RFC3: variants seen among roughly 807,000 people sequenced by gnomAD.
RFC3 encodes the protein A1 38 kDa subunit.
Under a neutral mutation model 45.1 loss-of-function variants are expected in RFC3, and 41 were observed. The observed-to-expected ratio is 0.91, with a 90% CI of 0.71 to 1.18. The LOEUF (loss-of-function observed/expected upper bound fraction) is 1.18, where lower values mean the gene tolerates loss of function less well. Among genes scored for constraint, RFC3 ranks in the 50% most tolerant of loss-of-function variants. The pLI, the probability that RFC3 is intolerant of heterozygous loss-of-function variation, is 0.00. For synonymous variants in RFC3, 149 were observed against 144.0 expected (o/e 1.03, Z -0.25); for missense variants, 423 against 428.1 (o/e 0.99, Z 0.10).
intron 8 of RFC3, among the ~76,000 whole-genome samples, chr13:33,945,442 G>T (rs970921199): frequency 1.3e-5 from 2 of 152,174 alleles, no homozygotes; most frequent in Non-Finnish European, 2.9e-5. Flanking sequence ...CTTGACAGGA[G>T]AGGATTAACT....
intron 8 of RFC3, among the ~76,000 whole-genome samples, chr13:33,946,344 C>T (rs1222156895): frequency 6.6e-6 from 1 of 152,168 alleles, no homozygotes; most frequent in Non-Finnish European, 1.5e-5. Context: ...ACTGGGATTG[C>T]TGTATACATT....
intron 8 of RFC3, among the ~76,000 whole-genome samples, chr13:33,858,770 A>G (rs1029628429): frequency 9.9e-5 from 15 of 152,236 alleles, no homozygotes; most frequent in African/African-American, 3.6e-4. Flanking sequence ...TGTTCTATCC[A>G]TGGAAAAATG....
At chr13:33,971,121 T>C (rs541250116), downstream of RFC3, among the ~76,000 whole-genome samples, 1 of 152,322 alleles carries the variant, frequency 6.6e-6, no homozygotes, top group Admixed American at 6.5e-5. Context: ...AGTTGATATA[T>C]TTGTTAAGTT....
chr13:33,823,735 A>G (rs1419772803), intron 2 of RFC3, among the ~76,000 whole-genome samples, 182 bp from the exon 3 acceptor site: 2 of 152,126 alleles, frequency 1.3e-5, no homozygotes, highest in Admixed American at 6.5e-5. Context: ...GATTGACCCA[A>G]TTTATATAAA....
chr13:33,824,629 A>G (rs2082032853), intron 3 of RFC3, among the ~76,000 whole-genome samples: 1 of 152,130 alleles, frequency 6.6e-6, no homozygotes, highest in African/African-American at 2.4e-5. Flanking sequence ...CATATTCAAC[A>G]TGGGCAGTGA....
intron 8 of RFC3, among the ~76,000 whole-genome samples, chr13:33,951,477 G>A (rs1430287605): frequency 6.6e-6 from 1 of 151,910 alleles, no homozygotes; most frequent in Non-Finnish European, 1.5e-5. Flanking sequence ...ATGATCCGCT[G>A]GCCTTGGCCT....
chr13:33,909,820 A>G (rs191557913), intron 8 of RFC3, among the ~76,000 whole-genome samples: 61 of 152,194 alleles, frequency 4.0e-4, no homozygotes, highest in Non-Finnish European at 8.8e-5. Flanking sequence ...CTCGTAGGAA[A>G]GATTGTTCAG....
At chr13:33,954,640 C>A (rs906143787) in intron 8 of RFC3, among the ~76,000 whole-genome samples, 4 of 152,158 alleles carry the variant, frequency 2.6e-5, no homozygotes, top group Admixed American at 1.3e-4. Flanking sequence ...ATTAAGGGTG[C>A]TGGCAGATCA....
chr13:33,860,072 T>G (rs1230897702), intron 8 of RFC3, among the ~76,000 whole-genome samples: 1 of 152,180 alleles, frequency 6.6e-6, no homozygotes, highest in Admixed American at 6.5e-5. Flanking sequence ...GGTGGTCATC[T>G]GCAAGCCAAG....
intron 8 of RFC3, among the ~76,000 whole-genome samples, chr13:33,886,473 G>A (rs557919526): frequency 6.6e-6 from 1 of 151,314 alleles, no homozygotes; most frequent in African/African-American, 2.4e-5. Flanking sequence ...TTGAACCTGG[G>A]AGGCGGAGGT....
At chr13:33,842,438 T>A (rs2082206371), downstream of RFC3, among the ~76,000 whole-genome samples, 1 of 152,236 alleles carries the variant, frequency 6.6e-6, no homozygotes, top group African/African-American at 2.4e-5. Flanking sequence ...CCAGACTGTA[T>A]CTGCTACTTG....
intron 8 of RFC3, among the ~76,000 whole-genome samples, chr13:33,863,349 AACAG>A (rs2082353671): frequency 6.6e-6 from 1 of 152,198 alleles, no homozygotes; most frequent in Non-Finnish European, 1.5e-5. Flanking sequence ...TCTGCTAGGT[AACAG>A]ACAGTTCATC....
At chr13:33,887,381 G>A (rs1239095528) in intron 8 of RFC3, among the ~76,000 whole-genome samples, 10 of 151,862 alleles carry the variant, frequency 6.6e-5, no homozygotes, top group African/African-American at 2.4e-4. Flanking sequence ...TTCTCTGATG[G>A]CCAGTGATGG....
At chr13:33,963,612 A>G (rs2083070726) in intron 8 of RFC3, among the ~76,000 whole-genome samples, 1 of 152,180 alleles carries the variant, frequency 6.6e-6, no homozygotes, top group African/African-American at 2.4e-5. Context: ...TGCTCTATAG[A>G]GCAGTGTGCA....
At chr13:33,820,899 C>A (rs1204241505) in intron 1 of RFC3, among the ~76,000 whole-genome samples, 1 of 96,064 alleles carries the variant, frequency 1.0e-5, no homozygotes, top group Non-Finnish European at 1.9e-5. Flanking sequence ...GTAAACTTTT[C>A]AGCATATATA....
chr13:33,826,569 T>C (rs1283082927), intron 4 of RFC3, among the ~76,000 whole-genome samples: 1 of 152,198 alleles, frequency 6.6e-6, no homozygotes, highest in Non-Finnish European at 1.5e-5. Context: ...CTGATTTCTT[T>C]CCTCAGTCTC....
At chr13:33,903,472 AC>A (rs1388526550) in intron 8 of RFC3, among the ~76,000 whole-genome samples, 2 of 152,086 alleles carry the variant, frequency 1.3e-5, no homozygotes, top group Non-Finnish European at 2.9e-5. Context: ...AAATGTATTT[AC>A]TTGTAAGTTT....
At chr13:33,825,488 A>G (rs3135574) in intron 3 of RFC3, among the ~76,000 whole-genome samples, 9,520 of 152,242 alleles carry the variant, frequency 0.063, 615 homozygotes, top group East Asian at 0.16. Context: ...AATTTTCTAT[A>G]GTCGGTACAG....
At chr13:33,900,358 G>C in intron 8 of RFC3, among the ~76,000 whole-genome samples, 1 of 151,762 alleles carries the variant, frequency 6.6e-6, no homozygotes, top group Non-Finnish European at 1.5e-5. Flanking sequence ...AGAGTAGAGA[G>C]CCCAGACATA....
Sources: allele counts gnomAD v4.1 joint callset (sites outside exome capture counted in the v4.1 genomes callset), GRCh38; gene constraint gnomAD v4.1.1; transcripts MANE v1.5; gene names NCBI Gene and HGNC (gene_info 2026-07-23, HGNC 2026-07-21).